Variants in ZNF385D observed in about 807,000 individuals in gnomAD.
The protein encoded by ZNF385D is zinc finger protein 659.
Under a neutral mutation model 35.8 loss-of-function variants are expected in ZNF385D, and 15 were observed. That is an observed-to-expected ratio of 0.42 (90% CI 0.28 to 0.64). ZNF385D has a LOEUF of 0.64. ZNF385D is among the 30% of genes least tolerant of loss of function. The pLI is 0.23. For missense variants in ZNF385D, 474 were observed against 494.6 expected, an observed-to-expected ratio of 0.96 and a Z score of 0.39; for synonymous variants, 212 against 186.8, an observed-to-expected ratio of 1.13 and a Z score of -1.10.
intron 1 of ZNF385D, among the ~76,000 whole-genome samples, chr3:21,669,946 A>C (rs2066512263): frequency 6.6e-6 from 1 of 152,182 alleles, no homozygotes; most frequent in Non-Finnish European, 1.5e-5. Flanking sequence ...TTTAACCTTG[A>C]ACTTCTGCAC....
chr3:22,033,824 T>C (rs935996947), intron 3 of ZNF385D, among the ~76,000 whole-genome samples: 7 of 152,148 alleles, frequency 4.6e-5, no homozygotes, highest in African/African-American at 1.7e-4. Flanking sequence ...TCACTTCAGT[T>C]ACCAAGCACT....
At chr3:22,210,901 A>C (rs1697476930) in intron 2 of ZNF385D, among the ~76,000 whole-genome samples, 1 of 151,996 alleles carries the variant, frequency 6.6e-6, no homozygotes, top group Admixed American at 6.6e-5. Context: ...GATTCAGCAA[A>C]ATAATACTAA....
chr3:21,751,278 G>A (rs952124502), upstream of ZNF385D: 4 of 1,100,042 alleles, frequency 3.6e-6, no homozygotes, highest in South Asian at 5.4e-5. Context: ...GCTCCACGAG[G>A]TGCTCCGACT....
chr3:21,502,280 A>G (rs1706430486), intron 4 of ZNF385D, among the ~76,000 whole-genome samples: 1 of 152,170 alleles, frequency 6.6e-6, no homozygotes, highest in Non-Finnish European at 1.5e-5. Flanking sequence ...GTTATTACCT[A>G]TTCTTTCGAG....
At chr3:21,963,730 C>T (rs1350323481) in intron 3 of ZNF385D, among the ~76,000 whole-genome samples, 1 of 152,008 alleles carries the variant, frequency 6.6e-6, no homozygotes, top group Non-Finnish European at 1.5e-5. Flanking sequence ...ATTGTGATAA[C>T]CTAATAATAA....
chr3:21,500,134 C>T (rs980699006), intron 4 of ZNF385D, among the ~76,000 whole-genome samples: 2 of 152,162 alleles, frequency 1.3e-5, no homozygotes, highest in Non-Finnish European at 2.9e-5. Context: ...CACATTCAAA[C>T]TCTGAGCTAC....
chr3:21,621,691 C>A (rs2065011165), intron 2 of ZNF385D, among the ~76,000 whole-genome samples: 1 of 151,644 alleles, frequency 6.6e-6, no homozygotes, highest in Non-Finnish European at 1.5e-5. Flanking sequence ...GGCATGTGAG[C>A]TGTAAAACAG....
intron 2 of ZNF385D, among the ~76,000 whole-genome samples, chr3:22,286,555 T>C (rs986999424): frequency 6.6e-6 from 1 of 152,150 alleles, no homozygotes; most frequent in Non-Finnish European, 1.5e-5. Flanking sequence ...AATTCCCGCT[T>C]AGCACTGTTT....
At chr3:21,997,263 C>T (rs1292483165) in intron 3 of ZNF385D, among the ~76,000 whole-genome samples, 1 of 152,054 alleles carries the variant, frequency 6.6e-6, no homozygotes, top group Non-Finnish European at 1.5e-5. Context: ...AAACCAAATA[C>T]CACATGTTCT....
rs1195888797 is a variant in ZNF385D, at chr3:21,564,691, T to G, written c.166-7A>C. ...CTTTCTGAATCGGGTCCATCTGTAATGAGAAAAAAGAAATACAACAAATAG... is the reference window on the plus strand; with the variant it reads ...CTTTCTGAATCGGGTCCATCTGTAAGGAGAAAAAAGAAATACAACAAATAG... On this transcript the variant is annotated splice_polypyrimidine_tract_variant and splice_region_variant and intron_variant, in intron 2 of 7. Transcript: ENST00000281523. 4.6e-6 allele frequency: 7 copies of G among 1,521,840 alleles called. No individual in the cohort carries two copies. The highest frequency in any genetic ancestry group is 6.2e-6 in the Non-Finnish European group (7 of 1,130,076). The allele number at this position is 1,521,840 out of a possible 1,614,324, so 94.3% of individuals were successfully genotyped here.
At position 21,976,705 on chromosome 3, in the gene ZNF385D, A is replaced by T. The variant is rs1027804415; in HGVS notation, c.325+192112T>A. Among the ~76,000 whole-genome samples the T allele has an allele frequency of 2.6e-5, 4 of 152,236 alleles. No homozygotes were observed. In the East Asian group the frequency reaches 7.7e-4, roughly 29 times the overall value. On this transcript the variant is annotated intron_variant, in intron 3 of 5. Transcript: ENST00000494108. The stretch of plus-strand genomic sequence containing the variant: ...GAAAATTATTTTGCACTGAGAAATA[A>T]TAAACCAGCTGGGCAGGTGTCTCAC...
intron 3 of ZNF385D, among the ~76,000 whole-genome samples, chr3:22,144,900 G>A (rs552757438): frequency 1.3e-5 from 2 of 152,162 alleles, no homozygotes; most frequent in East Asian, 3.9e-4. Context: ...GGTTAAATAA[G>A]TTTGCTTGAT....
chr3:21,947,893 G>C (rs927339519), intron 3 of ZNF385D, among the ~76,000 whole-genome samples: 1 of 151,744 alleles, frequency 6.6e-6, no homozygotes, highest in Non-Finnish European at 1.5e-5. Flanking sequence ...ATTTCTCCTG[G>C]GTTTTGTTTC....
chr3:21,611,734 T>C (rs2064685812), intron 2 of ZNF385D, among the ~76,000 whole-genome samples: 1 of 152,086 alleles, frequency 6.6e-6, no homozygotes. Context: ...GAATCATTCA[T>C]TGCTTTCTGC....
At chr3:21,973,020 A>G (rs1440231214) in intron 3 of ZNF385D, among the ~76,000 whole-genome samples, 1 of 151,984 alleles carries the variant, frequency 6.6e-6, no homozygotes, top group Non-Finnish European at 1.5e-5. Flanking sequence ...AATTTTAATC[A>G]AACTATTCTG....
intron 4 of ZNF385D, among the ~76,000 whole-genome samples, chr3:21,481,073 T>C (rs1704598090): frequency 6.6e-6 from 1 of 152,212 alleles, no homozygotes; most frequent in Non-Finnish European, 1.5e-5. Context: ...AACAAAAAGC[T>C]GTCTAAGACA....
At chr3:22,345,541 C>T (rs1695619463) in intron 2 of ZNF385D, among the ~76,000 whole-genome samples, 1 of 152,194 alleles carries the variant, frequency 6.6e-6, no homozygotes, top group Non-Finnish European at 1.5e-5. Context: ...ACAGGCACAT[C>T]CCCTGCTATC....
At chr3:21,913,973 G>T (rs1700081478) in intron 3 of ZNF385D, among the ~76,000 whole-genome samples, 1 of 151,984 alleles carries the variant, frequency 6.6e-6, no homozygotes, top group Non-Finnish European at 1.5e-5. Context: ...TTTCATGCAG[G>T]GTGCACAGAT....
chr3:22,003,285 A>G (rs1368623363), intron 3 of ZNF385D, among the ~76,000 whole-genome samples: 1 of 152,212 alleles, frequency 6.6e-6, no homozygotes, highest in Non-Finnish European at 1.5e-5. Flanking sequence ...ATCAATAATG[A>G]ACTAGCCAAA....
Sources: allele counts gnomAD v4.1 joint callset (sites outside exome capture counted in the v4.1 genomes callset), GRCh38; gene constraint gnomAD v4.1.1; transcripts MANE v1.5; gene names NCBI Gene and HGNC (gene_info 2026-07-23, HGNC 2026-07-21).